The following PTPRD variants were observed in gnomAD, a reference collection of about 807,000 sequenced individuals.
PTPRD encodes the protein receptor-type tyrosine-protein phosphatase delta.
Under a neutral mutation model 214.5 loss-of-function variants are expected in PTPRD, and 34 were observed. The observed-to-expected ratio is 0.16, with a 90% CI of 0.12 to 0.21. The LOEUF is 0.21. PTPRD is among the 10% of genes least tolerant of loss of function. The pLI is 1.00. For missense variants in PTPRD, 2,545 were observed against 2,398.7 expected (o/e 1.06, Z -1.27); for synonymous variants, 1,128 against 845.7 (o/e 1.33, Z -5.79).
At chr9:9,887,606 G>A (rs1309190869) in intron 5 of PTPRD, among the ~76,000 whole-genome samples, 1 of 152,130 alleles carries the variant, frequency 6.6e-6, no homozygotes. Context: ...GAACATCAGT[G>A]TACCATGTAC....
At chr9:10,216,243 G>C (rs936907125) in intron 3 of PTPRD, among the ~76,000 whole-genome samples, 2 of 151,766 alleles carry the variant, frequency 1.3e-5, no homozygotes, top group African/African-American at 4.9e-5. Context: ...TGGGGCCTGA[G>C]AGTGAGCCTC....
intron 5 of PTPRD, among the ~76,000 whole-genome samples, chr9:9,781,444 C>T (rs551667550): frequency 9.2e-5 from 14 of 152,178 alleles, no homozygotes; most frequent in African/African-American, 2.2e-4. Context: ...AGAAAGACAA[C>T]GGTGACATTG....
At chr9:9,556,591 C>T (rs547103805) in intron 8 of PTPRD, among the ~76,000 whole-genome samples, 39 of 152,234 alleles carry the variant, frequency 2.6e-4, no homozygotes, top group Admixed American at 1.6e-3. Flanking sequence ...ATTGTAGATC[C>T]TCAGTTAATA....
chr9:9,135,462 G>A (rs1348036005), intron 10 of PTPRD, among the ~76,000 whole-genome samples: 1 of 152,092 alleles, frequency 6.6e-6, no homozygotes, highest in Non-Finnish European at 1.5e-5. Context: ...TCCCTGTGAT[G>A]GCTGCCACCA....
At chr9:9,459,432 A>G (rs990386862) in intron 8 of PTPRD, among the ~76,000 whole-genome samples, 1 of 152,108 alleles carries the variant, frequency 6.6e-6, no homozygotes, top group East Asian at 1.9e-4. Flanking sequence ...TTCTGACAAA[A>G]TGATCTTATA....
intron 10 of PTPRD, among the ~76,000 whole-genome samples, chr9:9,079,207 T>G (rs1178359102): frequency 3.9e-5 from 6 of 152,038 alleles, no homozygotes; most frequent in Non-Finnish European, 7.4e-5. Flanking sequence ...ATTCCTCCTT[T>G]CCCCCACCCT....
intron 11 of PTPRD, among the ~76,000 whole-genome samples, chr9:8,777,154 T>C (rs2095519012): frequency 6.6e-6 from 1 of 151,862 alleles, no homozygotes; most frequent in African/African-American, 2.4e-5. Flanking sequence ...TTTTTGTTGT[T>C]GTTTTTTAGA....
chr9:10,023,699 C>T (rs1223866217), intron 4 of PTPRD, among the ~76,000 whole-genome samples: 1 of 149,348 alleles, frequency 6.7e-6, no homozygotes, highest in Non-Finnish European at 1.5e-5. Flanking sequence ...CTCAGCCATT[C>T]AATTATATAT....
At chr9:9,623,404 C>T (rs1314408514) in intron 7 of PTPRD, among the ~76,000 whole-genome samples, 5 of 152,148 alleles carry the variant, frequency 3.3e-5, no homozygotes, top group African/African-American at 4.8e-5. Context: ...TCATTAGATG[C>T]CGTGCTATTC....
chr9:8,548,626 C>G (rs1023669126), intron 14 of PTPRD, among the ~76,000 whole-genome samples: 1 of 150,632 alleles, frequency 6.6e-6, no homozygotes, highest in Non-Finnish European at 1.5e-5. Context: ...CCTCGTCCTC[C>G]CAAAGTGCTG....
chr9:8,829,675 G>T (rs1396908918), intron 11 of PTPRD, among the ~76,000 whole-genome samples: 1 of 152,090 alleles, frequency 6.6e-6, no homozygotes, highest in Non-Finnish European at 1.5e-5. Flanking sequence ...CGGTTACTAG[G>T]AAGATAGTAC....
chr9:9,645,519 A>C (rs1373096010), intron 7 of PTPRD, among the ~76,000 whole-genome samples: 1 of 150,686 alleles, frequency 6.6e-6, no homozygotes, highest in Non-Finnish European at 1.5e-5. Flanking sequence ...AGTGAACAAA[A>C]CATTTTTTAA....
chr9:9,360,378 C>A (rs2055619939), intron 9 of PTPRD, among the ~76,000 whole-genome samples: 1 of 151,144 alleles, frequency 6.6e-6, no homozygotes, highest in South Asian at 2.1e-4. Flanking sequence ...AAGCTTTTAC[C>A]TTAGACTTAG....
At chr9:9,009,144 T>G (rs567881048) in intron 11 of PTPRD, among the ~76,000 whole-genome samples, 1 of 89,022 alleles carries the variant, frequency 1.1e-5, no homozygotes, top group Non-Finnish European at 3.3e-5. Context: ...AAATTTTATT[T>G]AGGATTTTTT....
intron 8 of PTPRD, among the ~76,000 whole-genome samples, chr9:9,494,543 T>C (rs1489091402): frequency 1.3e-5 from 2 of 152,192 alleles, no homozygotes; most frequent in Non-Finnish European, 2.9e-5. Flanking sequence ...AGTCAGCACA[T>C]AAAATTCAGT....
chr9:9,259,199 A>G (rs1265880904), intron 9 of PTPRD, among the ~76,000 whole-genome samples: 1 of 152,048 alleles, frequency 6.6e-6, no homozygotes, highest in East Asian at 2.0e-4. Flanking sequence ...TGACTGCCAG[A>G]CATGGGACTA....
rs2084522575 is a variant in PTPRD at position 9,926,908 on chromosome 9, T to G, written c.-368+11599A>C. Among the ~76,000 whole-genome samples the G allele has an allele frequency of 2.6e-5, 4 of 152,180 alleles. No homozygotes were observed. In the South Asian group the frequency reaches 6.2e-4, roughly 24 times the overall value. ...ATTACAAATGGAAAAAGCTTTCCTGTAGCACACCAAGATTAGTTTTAATAG... is the reference window on the plus strand; with the variant it reads ...ATTACAAATGGAAAAAGCTTTCCTGGAGCACACCAAGATTAGTTTTAATAG... On this transcript the variant is annotated intron_variant, in intron 5 of 45. Transcript: ENST00000381196.
At chr9:9,569,787 A>G (rs898812735) in intron 8 of PTPRD, among the ~76,000 whole-genome samples, 3 of 151,510 alleles carry the variant, frequency 2.0e-5, no homozygotes, top group African/African-American at 7.3e-5. Flanking sequence ...ATATAGAGTA[A>G]GTATTAAAAG....
chr9:8,708,521 CA>C (rs112863907), intron 12 of PTPRD, among the ~76,000 whole-genome samples: 2,981 of 150,904 alleles, frequency 0.02, 92 homozygotes, highest in African/African-American at 0.059. Flanking sequence ...CAAAAAAATA[CA>C]AAAAAAATTA....
Sources: allele counts gnomAD v4.1 joint callset (sites outside exome capture counted in the v4.1 genomes callset), GRCh38; gene constraint gnomAD v4.1.1; transcripts MANE v1.5; gene names NCBI Gene and HGNC (gene_info 2026-07-23, HGNC 2026-07-21).